GFPT2: variants seen among roughly 807,000 people sequenced by gnomAD.
GFPT2 encodes glutamine--fructose-6-phosphate transaminase 2.
Under a neutral mutation model 85.6 loss-of-function variants are expected in GFPT2, and 62 were observed. The ratio of observed to expected loss-of-function variants is 0.72; its 90% CI spans 0.59 to 0.90. The LOEUF (loss-of-function observed/expected upper bound fraction) is 0.90. GFPT2 is among the 40% of genes least tolerant of loss of function. GFPT2 has a pLI of 0.00. For missense variants in GFPT2, 788 were observed against 893.4 expected (o/e 0.88, Z 1.50); for synonymous variants, 368 against 344.5 (o/e 1.07, Z -0.75).
intron 17 of GFPT2, among the ~76,000 whole-genome samples, 191 bp from the exon 18 acceptor site, chr5:180,302,775 G>A (rs183235278): frequency 3.0e-4 from 46 of 152,226 alleles, no homozygotes; most frequent in African/African-American, 9.4e-4. Flanking sequence ...TGCTTTTTGG[G>A]GGTTTCTTCC....
chr5:180,308,353 T>G (rs1763818853), intron 15 of GFPT2, among the ~76,000 whole-genome samples: 1 of 152,246 alleles, frequency 6.6e-6, no homozygotes, highest in Non-Finnish European at 1.5e-5. Flanking sequence ...TTACATTACT[T>G]CATTTCCAAC....
At chr5:180,316,737 T>G (rs529319834) in intron 12 of GFPT2, 27 bp downstream of exon 12, 1 of 1,518,570 alleles carries the variant, frequency 6.6e-7, no homozygotes, top group Non-Finnish European at 9.1e-7. Context: ...TGCCGTCGAC[T>G]TCCCCACGCA....
intron 15 of GFPT2, among the ~76,000 whole-genome samples, chr5:180,311,315 A>G (rs531335678): frequency 6.6e-6 from 1 of 152,360 alleles, no homozygotes; most frequent in Non-Finnish European, 1.5e-5. Context: ...GAGTGACTGA[A>G]GGAGGTGAGC....
chr5:180,304,841 G>A lies in GFPT2; in HGVS notation c.1773C>T (p.Ile591=), dbSNP rs1561870783. The A allele has an allele frequency of 6.2e-7, 1 of 1,613,930 alleles. No homozygotes were observed. The highest frequency in any genetic ancestry group is 1.1e-5 in the South Asian group (1 of 91,080). ...AGCAAGGATCCTTCATAATGACCATGATGACGGGCATCTGCTTGTCAATCA... is the reference window on the plus strand; with the variant it reads ...AGCAAGGATCCTTCATAATGACCATAATGACGGGCATCTGCTTGTCAATCA... ...LALIDKQMPV[I]MVIMKDPCFA... Residue 591 remains isoleucine (I), a synonymous_variant, in exon 17 of 19, where the codon ATC becomes ATT. Coordinates refer to ENST00000253778, the MANE Select transcript of GFPT2 (RefSeq NM_005110.4).
rs1351416312 is a variant in GFPT2, at chr5:180,318,837, C to T, written c.914G>A (p.Arg305Gln). 11 of 1,614,036 alleles carry T rather than the reference C, an allele frequency of 6.8e-6. No homozygotes were observed. Among genetic ancestry groups the T allele is most frequent in the Non-Finnish European group, 9.3e-6 (11 of 1,180,000 alleles). Residue 305 changes from arginine (R) to glutamine (Q), a missense_variant, in exon 10 of 19, where the codon CGA becomes CAA. Physicochemically the swap from Arg to Gln is conservative, Grantham distance 43. Coordinates refer to ENST00000253778, the MANE Select transcript of GFPT2 (RefSeq NM_005110.4). This position sits in a 1 kb window ranked among gnomAD's most constrained non-coding sequence, Gnocchi z 4.2. ...TTCCATCTGCAAGGTCTGGATGGCT[C>T]GAGATGGGTCATCACTGGCCGAGCG... ...VKRSASDDPSRAIQTLQMELQ... is the reference protein window; with the variant it reads ...VKRSASDDPSQAIQTLQMELQ...
intron 9 of GFPT2, among the ~76,000 whole-genome samples, chr5:180,321,559 G>A (rs556940090): frequency 2.0e-4 from 31 of 152,294 alleles, no homozygotes; most frequent in African/African-American, 7.0e-4. Flanking sequence ...CATGATTATC[G>A]CATGGGATCC....
At chr5:180,350,577 G>A (rs1321159294) in intron 1 of GFPT2, among the ~76,000 whole-genome samples, 4 of 152,156 alleles carry the variant, frequency 2.6e-5, no homozygotes, top group Non-Finnish European at 4.4e-5. Flanking sequence ...AGTCCCCCAG[G>A]GCCTGGAAAA....
intron 6 of GFPT2, among the ~76,000 whole-genome samples, chr5:180,329,868 TGTA>T (rs1764273988): frequency 6.6e-6 from 1 of 152,180 alleles, no homozygotes; most frequent in African/African-American, 2.4e-5. Context: ...TCCTCCTCAG[TGTA>T]GGGGCCTCCC....
chr5:180,321,108 A>G (rs1289357102), intron 9 of GFPT2, among the ~76,000 whole-genome samples: 1 of 151,494 alleles, frequency 6.6e-6, no homozygotes, highest in African/African-American at 2.4e-5. Context: ...TGCTTTGTAT[A>G]AAAGTGTACA....
Position 180,313,868 on chromosome 5 carries a change from C to G in GFPT2, c.1370G>C (p.Arg457Pro), listed in dbSNP as rs1382389636. 1 of 1,604,310 alleles carries G rather than the reference C, an allele frequency of 6.2e-7. No homozygotes were observed. The highest frequency in any genetic ancestry group is 2.2e-5 in the East Asian group (1 of 44,752). ...GATGTGGACGCCGCAGTCGGTCTCG[C>G]GAGAGATGGAGCTGCCCACGGTGTT... ...VTNTVGSSIS[R>P]ETDCGVHINA... The change falls in exon 14 of 19, where the codon CGC becomes CCC. Residue 457 changes from arginine (R) to proline (P), a missense_variant. Transcript: ENST00000253778.
At chr5:180,313,412 A>C (rs1352499979) in intron 14 of GFPT2, among the ~76,000 whole-genome samples, 2 of 148,686 alleles carry the variant, frequency 1.3e-5, no homozygotes, top group Non-Finnish European at 3.0e-5. Flanking sequence ...TAACACGGTG[A>C]AACCCCGTCT....
intron 2 of GFPT2, among the ~76,000 whole-genome samples, chr5:180,337,764 C>G (rs985530625): frequency 1.3e-5 from 2 of 152,106 alleles, no homozygotes; most frequent in Admixed American, 1.3e-4. Context: ...CCACCACTGC[C>G]GTCTATGCCA....
At chr5:180,312,023 G>T in intron 15 of GFPT2, among the ~76,000 whole-genome samples, 1 of 119,854 alleles carries the variant, frequency 8.3e-6, no homozygotes, top group Admixed American at 8.5e-5. Context: ...GGGAGGCAGG[G>T]AGGCGGGGAG....
intron 1 of GFPT2, among the ~76,000 whole-genome samples, chr5:180,343,112 G>A (rs916004821): frequency 1.3e-5 from 2 of 152,092 alleles, no homozygotes; most frequent in Non-Finnish European, 2.9e-5. Context: ...CCACCCTAAG[G>A]GAAGCAGACA....
rs1764059696 is a variant in GFPT2 at position 180,318,699 on chromosome 5, T to C, written c.958+94A>G. The C allele has an allele frequency of 4.6e-6, 5 of 1,075,444 alleles. No homozygotes were observed. In the Admixed American group the frequency reaches 1.0e-4, roughly 21 times the overall value. 66.6% of individuals were successfully genotyped at this position (1,075,444 alleles called of 1,614,324 possible). A position where few individuals can be genotyped will look rare whatever the true frequency, so the allele number is the denominator to read the frequency against. On this transcript the variant is annotated intron_variant, in intron 10 of 18. Transcript: ENST00000253778. The surrounding 1 kb of genome is among the most constrained non-coding windows in gnomAD (Gnocchi z 4.2). ...TGGTGGCCACAGAGGGCAGGAGGGC[T>C]GTGGCCTCTACTAGGACCAGGCAGA...
chr5:180,336,315 C>T, intron 3 of GFPT2, 164 bp downstream of exon 3: 1 of 671,366 alleles, frequency 1.5e-6, no homozygotes, highest in East Asian at 2.5e-5. Context: ...AATAAACCAT[C>T]CCATACCCTG....
chr5:180,315,477 C>A (rs531517120), intron 13 of GFPT2, among the ~76,000 whole-genome samples: 12 of 151,876 alleles, frequency 7.9e-5, no homozygotes, highest in South Asian at 2.1e-4. Context: ...CGCGCCCGGC[C>A]GGTTATATGT....
intron 6 of GFPT2, among the ~76,000 whole-genome samples, chr5:180,329,426 T>C (rs548769235): frequency 9.8e-5 from 15 of 152,356 alleles, no homozygotes; most frequent in African/African-American, 3.4e-4. Context: ...AGGAAAAGTC[T>C]TAAGTTTAAA....
rs771044452 is a variant in GFPT2 at position 180,313,881 on chromosome 5, T to C, written c.1357A>G (p.Ser453Gly). The change falls in exon 14 of 19, where the codon AGC becomes GGC. Residue 453 changes from serine to glycine, a missense_variant. Ser to Gly is a moderately conservative substitution (Grantham distance 56). Transcript: ENST00000253778. ...CAGTCGGTCTCGCGAGAGATGGAGC[T>C]GCCCACGGTGTTGGTGACGCCCACG... is the stretch of plus-strand genomic sequence containing the variant. ...LTVGVTNTVGSSISRETDCGV... is the reference protein window; with the variant it reads ...LTVGVTNTVGGSISRETDCGV... The C allele has an allele frequency of 4.5e-5, 73 of 1,606,512 alleles. No individual in the cohort carries two copies. The highest frequency in any genetic ancestry group is 6.0e-5 in the Non-Finnish European group (71 of 1,179,192).
Sources: gnomAD v4.1 joint callset for allele counts (sites outside exome capture counted in the v4.1 genomes callset) on GRCh38, gnomAD v4.1.1 for gene constraint, Gnocchi (gnomAD v3.1) non-coding constraint, MANE v1.5 for transcripts, NCBI Gene and HGNC (gene_info 2026-07-23, HGNC 2026-07-21) for gene names.